Variants in RBFOX3 observed in about 807,000 individuals in gnomAD.
RBFOX3 encodes RNA binding fox-1 homolog 3.
RBFOX3 carries 17 observed loss-of-function variants against 48.7 expected under a neutral mutation model. The ratio of observed to expected loss-of-function variants is 0.35; its 90% CI spans 0.24 to 0.52. The LOEUF (loss-of-function observed/expected upper bound fraction) is 0.52, where lower values mean the gene tolerates loss of function less well. Ranked by LOEUF, RBFOX3 falls within the 20% of genes least tolerant of loss-of-function variation. RBFOX3 has a pLI of 0.94. For synonymous variants in RBFOX3, 212 were observed against 209.5 expected, an observed-to-expected ratio of 1.01 and a Z score of -0.10; for missense variants, 382 against 497.5, an observed-to-expected ratio of 0.77 and a Z score of 2.21.
chr17:79,221,915 C>G (rs1352594545), intron 4 of RBFOX3, among the ~76,000 whole-genome samples: 1 of 152,158 alleles, frequency 6.6e-6, no homozygotes, highest in Non-Finnish European at 1.5e-5. Context: ...GGTGGAGGTG[C>G]AGATGGGGAG....
chr17:79,293,417 T>TTCCC (rs1481443638), intron 3 of RBFOX3, among the ~76,000 whole-genome samples: 1 of 14,336 alleles, frequency 7.0e-5, no homozygotes, highest in African/African-American at 5.9e-4. Flanking sequence ...CACCCCTTCC[T>TTCCC]TCCTTCCTTC....
intron 3 of RBFOX3, among the ~76,000 whole-genome samples, chr17:79,281,707 C>T (rs2070569708): frequency 6.6e-6 from 1 of 152,240 alleles, no homozygotes; most frequent in African/African-American, 2.4e-5. Context: ...AATTCACACC[C>T]AATGGTGTAT....
intron 2 of RBFOX3, among the ~76,000 whole-genome samples, chr17:79,314,025 A>G (rs2077201213): frequency 6.6e-6 from 1 of 152,180 alleles, no homozygotes; most frequent in South Asian, 2.1e-4. Context: ...GTGGCCTCAG[A>G]GGGCAGCGAG....
chr17:79,178,802 G>A (rs1335091365), intron 4 of RBFOX3, among the ~76,000 whole-genome samples: 4 of 152,198 alleles, frequency 2.6e-5, no homozygotes, highest in Non-Finnish European at 5.9e-5. Context: ...GGACCGCTGC[G>A]TGGGTTCATT....
At chr17:79,272,253 G>A (rs946939355) in intron 3 of RBFOX3, among the ~76,000 whole-genome samples, 13 of 152,136 alleles carry the variant, frequency 8.5e-5, no homozygotes, top group African/African-American at 2.7e-4. Flanking sequence ...GGGGCGGGGG[G>A]CTCTGCTGAT....
chr17:79,190,440 C>CTATA (rs1024817953), intron 4 of RBFOX3, among the ~76,000 whole-genome samples: 1 of 128,138 alleles, frequency 7.8e-6, no homozygotes, highest in Non-Finnish European at 1.7e-5. Flanking sequence ...AACAAAAAAA[C>CTATA]AGAGTGAAGA....
chr17:79,495,624 A>G (rs1299526349), intron 1 of RBFOX3, among the ~76,000 whole-genome samples: 5 of 4,850 alleles, frequency 1.0e-3, no homozygotes, highest in African/African-American at 2.5e-3. Flanking sequence ...GGTGGGGGAA[A>G]GGGTACTGGG....
intron 5 of RBFOX3, among the ~76,000 whole-genome samples, chr17:79,113,691 C>G (rs1220504912): frequency 2.0e-5 from 3 of 152,198 alleles, no homozygotes; most frequent in Non-Finnish European, 4.4e-5. Flanking sequence ...CTCGGGGATT[C>G]TCTCCATGGT....
intron 3 of RBFOX3, among the ~76,000 whole-genome samples, chr17:79,303,390 G>T (rs1056567654): frequency 6.6e-6 from 1 of 152,058 alleles, no homozygotes; most frequent in Non-Finnish European, 1.5e-5. Flanking sequence ...GGGAAGTGGG[G>T]GTCTCAGGGG....
chr17:79,414,127 G>T (rs80176394), intron 2 of RBFOX3, among the ~76,000 whole-genome samples: 2,298 of 152,078 alleles, frequency 0.015, 72 homozygotes, highest in African/African-American at 0.053. Flanking sequence ...AGAGGCTCAG[G>T]CAGGTTCTCA....
At chr17:79,139,479 G>T (rs12944841) in intron 4 of RBFOX3, among the ~76,000 whole-genome samples, 1 of 152,100 alleles carries the variant, frequency 6.6e-6, no homozygotes, top group Non-Finnish European at 1.5e-5. Context: ...CCTTCTCATT[G>T]GCTCGTGAAG....
rs1403274424 is a variant in RBFOX3, at chr17:79,249,089, T to G, written c.-73-13284A>C. Among the ~76,000 whole-genome samples, 2 of 152,146 alleles carry G rather than the reference T, an allele frequency of 1.3e-5. No homozygotes were observed. Among genetic ancestry groups the G allele is most frequent in the African/African-American group, 4.8e-5 (2 of 41,432 alleles). On this transcript the variant is annotated intron_variant, in intron 3 of 14. Coordinates refer to ENST00000693108, the MANE Select transcript of RBFOX3 (RefSeq NM_001350451.2). This position sits in a 1 kb window ranked among gnomAD's most constrained non-coding sequence, Gnocchi z 4.1. The stretch of plus-strand genomic sequence containing the variant: ...CCTCCCCTGGGTCGGCAACGCCACC[T>G]CGCTTCCTGCAGCTGACAAAGGACT...
Position 79,103,187 on chromosome 17 carries a change from G to A in RBFOX3, c.482C>T (p.Thr161Met). 7 of 1,551,352 alleles carry A rather than the reference G, an allele frequency of 4.5e-6. No homozygotes were observed. Among genetic ancestry groups the A allele is most frequent in the South Asian group, 1.2e-5 (1 of 84,062 alleles). Residue 161 changes from threonine to methionine, a missense_variant, in exon 8 of 15, where the codon ACG (threonine) becomes ATG (methionine). By Grantham distance (81) the Thr-to-Met change is moderately conservative. This residue lies in a region of RBFOX3 where 49 missense variants were observed against 110.7 expected (regional missense o/e 0.44). Coordinates refer to ENST00000693108, the MANE Select transcript of RBFOX3 (RefSeq NM_001350451.2). The surrounding 1 kb of genome is among the most constrained non-coding windows in gnomAD (Gnocchi z 6.1). ...CTCAATTTTCCGTCCCTCTACGATC[G>A]TCCCATTCAGCTTCTCCCGGGCTCG... is the stretch of plus-strand genomic sequence containing the variant. ...ADRAREKLNG[T>M]IVEGRKIEVN...
At chr17:79,247,648 G>A (rs2063359782) in intron 3 of RBFOX3, among the ~76,000 whole-genome samples, 1 of 152,134 alleles carries the variant, frequency 6.6e-6, no homozygotes, top group African/African-American at 2.4e-5. Flanking sequence ...AACTAGATAA[G>A]CATTTGTAGA....
intron 4 of RBFOX3, among the ~76,000 whole-genome samples, chr17:79,165,798 G>A (rs1007649653): frequency 6.6e-6 from 1 of 152,192 alleles, no homozygotes; most frequent in Non-Finnish European, 1.5e-5. Flanking sequence ...GCTGAGTCCT[G>A]GTTTGGGGGT....
intron 4 of RBFOX3, among the ~76,000 whole-genome samples, chr17:79,126,545 C>T (rs1599556619): frequency 6.6e-6 from 1 of 152,114 alleles, no homozygotes; most frequent in Non-Finnish European, 1.5e-5. Flanking sequence ...TTACTCTGAC[C>T]TCCCCTGCCT....
At chr17:79,339,039 C>A (rs567540628) in intron 2 of RBFOX3, among the ~76,000 whole-genome samples, 1 of 150,524 alleles carries the variant, frequency 6.6e-6, no homozygotes, top group African/African-American at 2.4e-5. Flanking sequence ...CCAAGTTGTG[C>A]AGGTGATTGC....
intron 2 of RBFOX3, among the ~76,000 whole-genome samples, chr17:79,439,745 CAT>C (rs1163347078): frequency 1.3e-5 from 2 of 152,234 alleles, no homozygotes; most frequent in African/African-American, 2.4e-5. Flanking sequence ...TGCATATGCA[CAT>C]GTGTGCGTAA....
intron 2 of RBFOX3, among the ~76,000 whole-genome samples, chr17:79,416,120 C>A (rs1555718906): frequency 6.6e-6 from 1 of 152,226 alleles, no homozygotes; most frequent in Non-Finnish European, 1.5e-5. Flanking sequence ...CAGGGCAGGG[C>A]TGCCCACAGG....
Sources: gnomAD v4.1 joint callset for allele counts (sites outside exome capture counted in the v4.1 genomes callset) on GRCh38, gnomAD v4.1.1 for gene constraint, gnomAD v4.1.1 regional missense constraint, Gnocchi (gnomAD v3.1) non-coding constraint, MANE v1.5 for transcripts, NCBI Gene and HGNC (gene_info 2026-07-23, HGNC 2026-07-21) for gene names.